COL28A1: variants seen among roughly 807,000 people sequenced by gnomAD.
COL28A1 encodes collagen alpha-1(XXVIII) chain.
Under a neutral mutation model 150.2 loss-of-function variants are expected in COL28A1, and 161 were observed. The observed-to-expected ratio is 1.07, with a 90% CI of 0.94 to 1.22. The LOEUF (loss-of-function observed/expected upper bound fraction) is 1.22, where lower values mean the gene tolerates loss of function less well. COL28A1 is among the 50% of genes most tolerant of loss of function. COL28A1 has a pLI of 0.00. For synonymous variants in COL28A1, 552 were observed against 469.7 expected (o/e 1.18, Z -2.26); for missense variants, 1,617 against 1,388.3 (o/e 1.16, Z -2.62).
chr7:7,372,793 C>T (rs1055663280), intron 32 of COL28A1, among the ~76,000 whole-genome samples: 2 of 152,140 alleles, frequency 1.3e-5, no homozygotes, highest in Non-Finnish European at 2.9e-5. Flanking sequence ...CATTTATTAA[C>T]CCTTAATAAA....
chr7:7,476,133 A>T (rs868628473), intron 14 of COL28A1, among the ~76,000 whole-genome samples: 28 of 152,274 alleles, frequency 1.8e-4, no homozygotes, highest in Middle Eastern at 6.8e-3. Flanking sequence ...TGATGGAATG[A>T]CTGATGTGGA....
chr7:7,371,906 C>G (rs774742160), intron 32 of COL28A1, among the ~76,000 whole-genome samples: 22 of 152,062 alleles, frequency 1.4e-4, no homozygotes, highest in Non-Finnish European at 2.6e-4. Context: ...AATCTCGGCT[C>G]ACTGTAACCT....
At chr7:7,369,870 G>C (rs1453195970) in intron 33 of COL28A1, among the ~76,000 whole-genome samples, 1 of 152,152 alleles carries the variant, frequency 6.6e-6, no homozygotes, top group African/African-American at 2.4e-5. Context: ...GCAATGCAAG[G>C]ACTTTACTGA....
At chr7:7,510,434 G>A (rs528219958) in intron 9 of COL28A1, among the ~76,000 whole-genome samples, 40 of 152,158 alleles carry the variant, frequency 2.6e-4, no homozygotes, top group Admixed American at 7.2e-4. Context: ...ACAGGTGCAC[G>A]CCACCATGCC....
intron 25 of COL28A1, among the ~76,000 whole-genome samples, chr7:7,430,289 G>T (rs922682619): frequency 4.6e-5 from 7 of 152,060 alleles, no homozygotes; most frequent in South Asian, 4.1e-4. Flanking sequence ...ACCACGCCCA[G>T]CTAATTTTTG....
At chr7:7,464,547 C>T (rs1336216008) in intron 15 of COL28A1, among the ~76,000 whole-genome samples, 1 of 152,174 alleles carries the variant, frequency 6.6e-6, no homozygotes. Context: ...ATTAAATAAC[C>T]TGCTCCTGAA....
At chr7:7,441,133 A>G (rs1234019991) in intron 20 of COL28A1, among the ~76,000 whole-genome samples, 1 of 152,220 alleles carries the variant, frequency 6.6e-6, no homozygotes, top group South Asian at 2.1e-4. Context: ...GTTTGAATTT[A>G]TAGTTCATTT....
chr7:7,509,018 G>A (rs1345409302), intron 9 of COL28A1, among the ~76,000 whole-genome samples: 4 of 152,148 alleles, frequency 2.6e-5, no homozygotes, highest in Admixed American at 2.0e-4. Context: ...ATTTTTAGTA[G>A]AGATAGGGTT....
intron 25 of COL28A1, chr7:7,431,794 C>A (rs749059900): frequency 3.5e-6 from 1 of 283,696 alleles, no homozygotes; most frequent in Non-Finnish European, 7.4e-6. Flanking sequence ...TTACAGCCCA[C>A]GTAAGAGATG....
chr7:7,432,635 C>T lies in COL28A1; in HGVS notation c.1926G>A (p.Val642=). The T allele has an allele frequency of 6.2e-7, 1 of 1,613,982 alleles. No homozygotes were observed. The highest frequency in any genetic ancestry group is 8.5e-7 in the Non-Finnish European group (1 of 1,179,962). The change falls in exon 24 of 35, where the codon GTG becomes GTA. Residue 642 remains valine (V), a synonymous_variant. Transcript: ENST00000399429. ...PGLKGDGYPG[V]PGPRGLPGPP... Reference sequence around the variant, plus strand: ...AAGAAAAAAATGTCCCACTTACAGGCACACCAGGATAGCCATCACCTTTGA... The same window carrying T: ...AAGAAAAAAATGTCCCACTTACAGGTACACCAGGATAGCCATCACCTTTGA...
chr7:7,401,735 T>C (rs921239289), intron 27 of COL28A1, among the ~76,000 whole-genome samples: 2 of 152,180 alleles, frequency 1.3e-5, no homozygotes, highest in Non-Finnish European at 2.9e-5. Context: ...TTTGTCCCCT[T>C]ATAGCCCATT....
At chr7:7,399,812 G>A (rs1783066546) in intron 27 of COL28A1, among the ~76,000 whole-genome samples, 1 of 152,174 alleles carries the variant, frequency 6.6e-6, no homozygotes, top group African/African-American at 2.4e-5. Flanking sequence ...GTTAAATAAA[G>A]CAGATAAGGG....
At chr7:7,516,945 T>C (rs1781446921) in intron 7 of COL28A1, among the ~76,000 whole-genome samples, 1 of 152,102 alleles carries the variant, frequency 6.6e-6, no homozygotes. Context: ...CTTCCAAATG[T>C]GTGGTCAATG....
intron 1 of COL28A1, among the ~76,000 whole-genome samples, chr7:7,534,176 C>T (rs1782520017): frequency 1.3e-5 from 2 of 152,128 alleles, no homozygotes; most frequent in Non-Finnish European, 2.9e-5. Flanking sequence ...CATCATCCAG[C>T]TGGAAGTGTA....
chr7:7,407,502 A>G (rs1355256373), intron 27 of COL28A1, among the ~76,000 whole-genome samples: 1 of 152,142 alleles, frequency 6.6e-6, no homozygotes, highest in Non-Finnish European at 1.5e-5. Flanking sequence ...ACTTCTCGAG[A>G]GCGATAATGG....
intron 27 of COL28A1, among the ~76,000 whole-genome samples, chr7:7,401,607 T>C (rs1465410780): frequency 1.3e-5 from 2 of 152,102 alleles, no homozygotes; most frequent in Admixed American, 6.5e-5. Flanking sequence ...TTTGTCTATA[T>C]TATACCCCAT....
intron 15 of COL28A1, among the ~76,000 whole-genome samples, chr7:7,460,063 T>C (rs769434322): frequency 1.3e-5 from 2 of 152,242 alleles, no homozygotes; most frequent in Non-Finnish European, 2.9e-5. Flanking sequence ...TCCCCAACTA[T>C]TGACAACATT....
downstream of COL28A1, among the ~76,000 whole-genome samples, chr7:7,355,600 T>C (rs1780330080): frequency 1.3e-5 from 2 of 151,976 alleles, no homozygotes; most frequent in Non-Finnish European, 2.9e-5. Context: ...AGAGCAACAC[T>C]CCATCTCAAA....
intron 33 of COL28A1, among the ~76,000 whole-genome samples, chr7:7,365,185 T>G (rs557925659): frequency 4.9e-4 from 74 of 152,330 alleles, no homozygotes; most frequent in African/African-American, 1.7e-3. Flanking sequence ...CAAGAGTGAA[T>G]GAACAAATGG....
Sources: gnomAD v4.1 joint callset for allele counts (sites outside exome capture counted in the v4.1 genomes callset) on GRCh38, gnomAD v4.1.1 for gene constraint, MANE v1.5 for transcripts, NCBI Gene and HGNC (gene_info 2026-07-23, HGNC 2026-07-21) for gene names.